PRDM1: variants seen among roughly 807,000 people sequenced by gnomAD.
The protein encoded by PRDM1 is PR domain zinc finger protein 1.
A neutral mutation model predicts 62.8 loss-of-function variants in PRDM1; 13 were observed. The ratio of observed to expected loss-of-function variants is 0.21; its 90% CI spans 0.13 to 0.33. The LOEUF (loss-of-function observed/expected upper bound fraction) is 0.33. Among genes scored for constraint, PRDM1 ranks in the 10% least tolerant of loss-of-function variants. PRDM1 has a pLI of 1.00. For missense variants in PRDM1, 895 were observed against 1,058.8 expected (o/e 0.85, Z 2.15); for synonymous variants, 396 against 417.6 (o/e 0.95, Z 0.63).
At chr6:106,049,185 G>C (rs1343645488) in intron 1 of PRDM1, among the ~76,000 whole-genome samples, 1 of 152,186 alleles carries the variant, frequency 6.6e-6, no homozygotes, top group Non-Finnish European at 1.5e-5. Flanking sequence ...TGGTGAGTAT[G>C]AGAGAGAGAA....
chr6:106,005,388 T>TA (rs973871392), intron 1 of PRDM1, among the ~76,000 whole-genome samples: 2 of 152,350 alleles, frequency 1.3e-5, no homozygotes, highest in African/African-American at 4.8e-5. Context: ...CCTTCCTCTG[T>TA]AGAGTGGACT....
rs761441184 is a variant in PRDM1, at chr6:106,105,060, C to G, written c.900C>G (p.Pro300=). 6.2e-7 allele frequency: 1 copy of G among 1,614,112 alleles called. No homozygotes were observed. The highest frequency in any genetic ancestry group is 8.5e-7 in the Non-Finnish European group (1 of 1,180,014). Residue 300 remains proline (P), a synonymous_variant, in exon 5 of 7, where the codon CCC becomes CCG. Coordinates refer to ENST00000369096, the MANE Select transcript of PRDM1 (RefSeq NM_001198.4). ...EMPFYPRVVY[P]IRAPLPEDFL... is the part of the protein sequence containing the mutation. ...CCTTCTACCCTCGGGTCGTTTACCCCATCCGGGCCCCTCTGCCAGAAGACT... is the reference window on the plus strand; with the variant it reads ...CCTTCTACCCTCGGGTCGTTTACCCGATCCGGGCCCCTCTGCCAGAAGACT...
intron 1 of PRDM1, among the ~76,000 whole-genome samples, chr6:106,037,954 C>G: frequency 6.8e-6 from 1 of 146,514 alleles, no homozygotes; most frequent in South Asian, 2.3e-4. Flanking sequence ...ACATTCGAAA[C>G]AAATAATGTG....
At chr6:106,049,626 G>A (rs1210317500) in intron 1 of PRDM1, among the ~76,000 whole-genome samples, 1 of 152,088 alleles carries the variant, frequency 6.6e-6, no homozygotes, top group Non-Finnish European at 1.5e-5. Context: ...TTCCTCTCCT[G>A]GGCTGCTTCT....
At chr6:106,045,092 T>G (rs1221523010), upstream of PRDM1, among the ~76,000 whole-genome samples, 1 of 152,216 alleles carries the variant, frequency 6.6e-6, no homozygotes, top group African/African-American at 2.4e-5. Flanking sequence ...TCAACTTTTA[T>G]CTTTCTGGTA....
At chr6:106,004,281 G>A (rs548524293) in intron 1 of PRDM1, among the ~76,000 whole-genome samples, 2 of 151,926 alleles carry the variant, frequency 1.3e-5, no homozygotes, top group African/African-American at 4.8e-5. Context: ...CCATGGATAC[G>A]ATAAATGTGA....
At chr6:106,026,883 A>G (rs1772773736) in intron 1 of PRDM1, among the ~76,000 whole-genome samples, 1 of 152,238 alleles carries the variant, frequency 6.6e-6, no homozygotes, top group Non-Finnish European at 1.5e-5. Flanking sequence ...ACAGACAGGA[A>G]GCAGCGCTAA....
rs150190599 is a variant in PRDM1 at position 106,073,154 on chromosome 6, G to A, written c.-66-15047G>A. ...TTTTGAGACAGAGTCTCACTCTGTC[G>A]CCCAGGCTGGAGTGCAATGGCGCAA... On this transcript the variant is annotated intron_variant, in intron 1 of 6. Coordinates refer to the PRDM1 transcript ENST00000651185. Among the ~76,000 whole-genome samples the A allele has an allele frequency of 5.8e-3, 812 of 140,098 alleles. 15 individuals are homozygous for A. Among genetic ancestry groups the A allele is most frequent in the East Asian group, 0.046 (227 of 4,892 alleles). The allele number at this position is 140,098 out of a possible 152,430, so 91.9% of individuals were successfully genotyped here.
At chr6:106,011,482 T>C (rs975276714) in intron 1 of PRDM1, among the ~76,000 whole-genome samples, 5 of 152,158 alleles carry the variant, frequency 3.3e-5, no homozygotes, top group Non-Finnish European at 5.9e-5. Flanking sequence ...CCTGCCTTCC[T>C]GGGGTGGAAG....
At chr6:106,083,776 G>A (rs537219308), upstream of PRDM1, among the ~76,000 whole-genome samples, 21 of 152,356 alleles carry the variant, frequency 1.4e-4, no homozygotes, top group Non-Finnish European at 1.5e-5. Context: ...AAATAATATA[G>A]TGACTAAAAA....
chr6:106,046,322 T>G (rs1254908949), upstream of PRDM1: 1 of 152,084 alleles, frequency 6.6e-6, no homozygotes, highest in Non-Finnish European at 1.5e-5. Flanking sequence ...GTGGTTGGTC[T>G]CCAAGGTGAT....
chr6:106,013,034 G>A (rs372231257), intron 1 of PRDM1, among the ~76,000 whole-genome samples: 6 of 152,062 alleles, frequency 3.9e-5, no homozygotes, highest in South Asian at 2.1e-4. Context: ...TTACAAGCGC[G>A]CGCAATCACA....
chr6:106,065,267 G>A (rs1376028911), intron 1 of PRDM1, among the ~76,000 whole-genome samples: 4 of 151,944 alleles, frequency 2.6e-5, no homozygotes, highest in South Asian at 4.2e-4. Flanking sequence ...CAAGTAGCTG[G>A]GACTACAGAC....
In PRDM1 at chr6:106,106,330, C is replaced by T. The variant is rs746494251; in HGVS notation, c.1774-41C>T. The stretch of plus-strand genomic sequence containing the variant: ...GGAGCAGAAATGTTAGGTCTCAGAG[C>T]CAGCTTGAGAGCAGAGCTAACACAT... On this transcript the variant is annotated intron_variant, in intron 5 of 6. Coordinates refer to ENST00000369096, the MANE Select transcript of PRDM1 (RefSeq NM_001198.4). This position sits in a 1 kb window ranked among gnomAD's most constrained non-coding sequence, Gnocchi z 4.4. 6.2e-7 allele frequency: 1 copy of T among 1,607,134 alleles called. No individual in the cohort carries two copies. Among genetic ancestry groups the T allele is most frequent in the Non-Finnish European group, 8.5e-7 (1 of 1,174,980 alleles).
intron 1 of PRDM1, among the ~76,000 whole-genome samples, chr6:106,079,064 G>C (rs150408027): frequency 6.6e-6 from 1 of 151,776 alleles, no homozygotes; most frequent in South Asian, 2.1e-4. Flanking sequence ...GGGTTCAAGC[G>C]ATTCTCGTGT....
At position 106,105,258 on chromosome 6, in the gene PRDM1, C is replaced by T. The variant is rs112845767; in HGVS notation, c.1098C>T (p.Gly366=). 4 of 1,613,800 alleles carry T rather than the reference C, an allele frequency of 2.5e-6. No individual in the cohort carries two copies. Among genetic ancestry groups the T allele is most frequent in the Non-Finnish European group, 3.4e-6 (4 of 1,179,982 alleles). The change falls in exon 5 of 7, where the codon GGC becomes GGT. Residue 366 remains glycine (G), a synonymous_variant. Coordinates refer to ENST00000369096, the MANE Select transcript of PRDM1 (RefSeq NM_001198.4). ...ATACGGTGTCCCCTGTGGGCCCCGG[C>T]TCTCAAGAGCACCGGGACTCCTACG... ...PGNTVSPVGP[G]SQEHRDSYAY... is the part of the protein sequence containing the mutation.
chr6:106,026,269 G>A (rs1383047304), intron 1 of PRDM1, among the ~76,000 whole-genome samples: 3 of 152,132 alleles, frequency 2.0e-5, no homozygotes, highest in Admixed American at 6.5e-5. Flanking sequence ...ACCTGAGGTC[G>A]GGAGTTCGAG....
chr6:106,092,830 T>G (rs1334409490), intron 2 of PRDM1, among the ~76,000 whole-genome samples: 3 of 152,198 alleles, frequency 2.0e-5, no homozygotes, highest in African/African-American at 7.2e-5. Flanking sequence ...TTACTGTATA[T>G]TAGAACGCTA....
intron 3 of PRDM1, chr6:106,098,288 A>C (rs1774166575): frequency 1.0e-6 from 1 of 985,192 alleles, no homozygotes; most frequent in Non-Finnish European, 1.2e-6. Context: ...AGGGGAAGAG[A>C]GAAAACTTTG....
Sources: allele counts gnomAD v4.1 joint callset (sites outside exome capture counted in the v4.1 genomes callset), GRCh38; gene constraint gnomAD v4.1.1; non-coding constraint Gnocchi (gnomAD v3.1); transcripts MANE v1.5; gene names NCBI Gene and HGNC (gene_info 2026-07-23, HGNC 2026-07-21).